The following NDUFAF3 variants were observed in gnomAD, a reference collection of about 807,000 sequenced individuals.
The protein encoded by NDUFAF3 is NADH:ubiquinone oxidoreductase complex assembly factor 3, also known as NADH dehydrogenase [ubiquinone] 1 alpha subcomplex assembly factor 3.
NDUFAF3 carries 21 observed loss-of-function variants against 22.6 expected under a neutral mutation model. That is an observed-to-expected ratio of 0.93 (90% confidence interval 0.66 to 1.34). The LOEUF is 1.34. Ranked by LOEUF, NDUFAF3 falls within the 40% of genes most tolerant of loss-of-function variation. The probability of loss-of-function intolerance (pLI) is 0.00; values close to 1 mark genes in which losing one functional copy is unlikely to be tolerated. For missense variants in NDUFAF3, 251 were observed against 248.4 expected (o/e 1.01, Z -0.07); for synonymous variants, 113 against 104.9 (o/e 1.08, Z -0.47).
rs2093180180 is a variant in NDUFAF3 at position 49,023,273 on chromosome 3, T to G, written c.*101T>G. 1.1e-6 allele frequency: 1 copy of G among 945,230 alleles called. No homozygotes were observed. The highest frequency in any genetic ancestry group is 1.6e-5 in the African/African-American group (1 of 62,086). 58.6% of individuals were successfully genotyped at this position (945,230 alleles called of 1,614,324 possible). On this transcript the variant is annotated 3_prime_UTR_variant, in exon 5 of 5. Coordinates refer to ENST00000326925, the MANE Select transcript of NDUFAF3 (RefSeq NM_199069.2). ...TTATCTTGCTTATCAACATAATAAT[T>G]TATACACTTCTCCCATTTTGTATCA...
rs2093167860 is a variant in NDUFAF3 at position 49,022,334 on chromosome 3, T to G, written c.78-12T>G. The stretch of plus-strand genomic sequence containing the variant: ...GGCCCGGCCCCGCGCCCCTGACCCT[T>G]TCCCTCCGCAGGGCCCCGCGGCGAG... On this transcript the variant is annotated splice_polypyrimidine_tract_variant and intron_variant, in intron 1 of 4. Transcript: ENST00000326925. The surrounding 1 kb of genome is among the most constrained non-coding windows in gnomAD (Gnocchi z 6.6). 3 of 1,610,480 alleles carry G rather than the reference T, an allele frequency of 1.9e-6. No individual in the cohort carries two copies. The highest frequency in any genetic ancestry group is 2.2e-5 in the East Asian group (1 of 44,844).
upstream of NDUFAF3, chr3:49,021,415 C>T (rs577731135): frequency 6.5e-6 from 1 of 152,746 alleles, no homozygotes; most frequent in African/African-American, 2.4e-5. This position sits in a 1 kb window ranked among gnomAD's most constrained non-coding sequence, Gnocchi z 4.1. Flanking sequence ...GCTCCACGCG[C>T]TTCTACTTCA....
chr3:49,021,102 C>A (rs951879232), upstream of NDUFAF3: 1 of 155,470 alleles, frequency 6.4e-6, no homozygotes, highest in Non-Finnish European at 1.4e-5. The surrounding 1 kb of genome is among the most constrained non-coding windows in gnomAD (Gnocchi z 4.1). Context: ...ACGCTGCCAG[C>A]GCCCGGAGCA....
chr3:49,021,895 C>G, upstream of NDUFAF3: 1 of 559,916 alleles, frequency 1.8e-6, no homozygotes, highest in Admixed American at 3.3e-5. This position sits in a 1 kb window ranked among gnomAD's most constrained non-coding sequence, Gnocchi z 4.1. Context: ...GCCAGGTGTT[C>G]CACTCCCCCG....
At chr3:49,021,003 G>A (rs1177327023), upstream of NDUFAF3, 2 of 165,718 alleles carry the variant, frequency 1.2e-5, no homozygotes, top group African/African-American at 4.8e-5. This position sits in a 1 kb window ranked among gnomAD's most constrained non-coding sequence, Gnocchi z 4.1. Context: ...AATCCGTCAG[G>A]AGGGAAGCGC....
chr3:49,023,004 G>A, intron 4 of NDUFAF3, 28 bp downstream of exon 4: 3 of 1,613,896 alleles, frequency 1.9e-6, no homozygotes, highest in African/African-American at 2.7e-5. Flanking sequence ...GGCATGCTGC[G>A]GGGAGCACAG....
Position 49,022,259 on chromosome 3 carries a change from C to T in NDUFAF3, c.77+38C>T. 1 of 1,608,994 alleles carries T rather than the reference C, an allele frequency of 6.2e-7. No individual in the cohort carries two copies. Among genetic ancestry groups the T allele is most frequent in the Non-Finnish European group, 8.5e-7 (1 of 1,179,208 alleles). On this transcript the variant is annotated intron_variant, in intron 1 of 4. Coordinates refer to ENST00000326925, the MANE Select transcript of NDUFAF3 (RefSeq NM_199069.2). This position sits in a 1 kb window ranked among gnomAD's most constrained non-coding sequence, Gnocchi z 6.6. ...CCCGCGCCCTCGACCATCCAGCCCC[C>T]TAGGGCCGGCGACTGCCAGCCCAGC...
chr3:49,022,951 G>T lies in NDUFAF3; in HGVS notation c.413G>T (p.Gly138Val), dbSNP rs2093176773. Residue 138 changes from glycine (G) to valine (V), a missense_variant, in exon 4 of 5, where the codon GGC becomes GTC. Transcript: ENST00000326925. The surrounding 1 kb of genome is among the most constrained non-coding windows in gnomAD (Gnocchi z 6.6). ...GTGCTTCAAGCCATGAGGCAGCGGG[G>T]CATTGCTGTGGAAGTGCAGGACACG... ...SQVLQAMRQRGIAVEVQDTPN... is the reference protein window; with the variant it reads ...SQVLQAMRQRVIAVEVQDTPN... 14 of 1,614,116 alleles carry T rather than the reference G, an allele frequency of 8.7e-6. No individual in the cohort carries two copies. Among genetic ancestry groups the T allele is most frequent in the Non-Finnish European group, 1.2e-5 (14 of 1,180,034 alleles).
rs1055207243 is a variant in NDUFAF3, at chr3:49,022,463, C to T, written c.195C>T (p.Ser65=). The part of the protein sequence containing the change: ...AQAMYIDSYN[S]RGFMINGNRV... ...CAATGTACATCGACAGCTACAACAG[C>T]CGCGGCTTCATGATAAACGGAAACC... Residue 65 remains serine, a synonymous_variant, in exon 2 of 5, where the codon AGC becomes AGT. Coordinates refer to ENST00000326925, the MANE Select transcript of NDUFAF3 (RefSeq NM_199069.2). The surrounding 1 kb of genome is among the most constrained non-coding windows in gnomAD (Gnocchi z 6.6). The T allele has an allele frequency of 6.2e-7, 1 of 1,613,164 alleles. No individual in the cohort carries two copies. The highest frequency in any genetic ancestry group is 8.5e-7 in the Non-Finnish European group (1 of 1,180,012).
At chr3:49,021,610 C>G (rs1366769991), upstream of NDUFAF3, 2 of 159,002 alleles carry the variant, frequency 1.3e-5, no homozygotes, top group Non-Finnish European at 2.8e-5. The surrounding 1 kb of genome is among the most constrained non-coding windows in gnomAD (Gnocchi z 4.1). Context: ...TCTCCGCGCG[C>G]TGCGGAGAGG....
chr3:49,022,441 T>C lies in NDUFAF3; in HGVS notation c.173T>C (p.Met58Thr). ...CTGCAACGCGAGGCCGCTCAGGCAA[T>C]GTACATCGACAGCTACAACAGCCGC... ...SLLQREAAQA[M>T]YIDSYNSRGF... The change falls in exon 2 of 5, where the codon ATG (methionine) becomes ACG (threonine). Residue 58 changes from methionine to threonine, a missense_variant. By Grantham distance (81) the Met-to-Thr change is moderately conservative. Coordinates refer to ENST00000326925, the MANE Select transcript of NDUFAF3 (RefSeq NM_199069.2). The surrounding 1 kb of genome is among the most constrained non-coding windows in gnomAD (Gnocchi z 6.6). 2 of 1,612,996 alleles carry C rather than the reference T, an allele frequency of 1.2e-6. No individual in the cohort carries two copies. Among genetic ancestry groups the C allele is most frequent in the Non-Finnish European group, 1.7e-6 (2 of 1,180,002 alleles).
chr3:49,022,066 G>T (rs1292103750), upstream of NDUFAF3: 15 of 1,470,056 alleles, frequency 1.0e-5, no homozygotes, highest in Admixed American at 2.1e-4. The surrounding 1 kb of genome is among the most constrained non-coding windows in gnomAD (Gnocchi z 6.6). Context: ...CTGCAGCCAC[G>T]CTGGGTCAGG....
Position 49,022,458 on chromosome 3 carries a change from A to G in NDUFAF3, c.190A>G (p.Asn64Asp). Residue 64 changes from asparagine to aspartate, a missense_variant, in exon 2 of 5, where the codon AAC (asparagine) becomes GAC (aspartate). Transcript: ENST00000326925. This position sits in a 1 kb window ranked among gnomAD's most constrained non-coding sequence, Gnocchi z 6.6. ...AAQAMYIDSYNSRGFMINGNR... is the reference protein window; with the variant it reads ...AAQAMYIDSYDSRGFMINGNR... ...TCAGGCAATGTACATCGACAGCTAC[A>G]ACAGCCGCGGCTTCATGATAAACGG... is the stretch of plus-strand genomic sequence containing the variant. 3 of 1,612,976 alleles carry G rather than the reference A, an allele frequency of 1.9e-6. No homozygotes were observed. Among genetic ancestry groups the G allele is most frequent in the Middle Eastern group, 1.7e-4 (1 of 6,060 alleles).
In NDUFAF3 at chr3:49,023,389, T is replaced by G; in HGVS notation, c.*217T>G. 2 of 601,968 alleles carry G rather than the reference T, an allele frequency of 3.3e-6. No individual in the cohort carries two copies. The highest frequency in any genetic ancestry group is 2.6e-5 in the Admixed American group (1 of 37,792). The allele number at this position is 601,968 out of a possible 1,614,324, so 37.3% of individuals were successfully genotyped here. ...GAGTCACTTTTTCATCTAGATTACT[T>G]AGGATTCCTTGACTTTTCAGAAGTC... On this transcript the variant is annotated 3_prime_UTR_variant, in exon 5 of 5. Coordinates refer to ENST00000326925, the MANE Select transcript of NDUFAF3 (RefSeq NM_199069.2).
At chr3:49,022,066 G>A, upstream of NDUFAF3, 7 of 1,470,058 alleles carry the variant, frequency 4.8e-6, no homozygotes, top group East Asian at 4.9e-5. This position sits in a 1 kb window ranked among gnomAD's most constrained non-coding sequence, Gnocchi z 6.6. Context: ...CTGCAGCCAC[G>A]CTGGGTCAGG....
Position 49,022,208 on chromosome 3 carries a change from G to C in NDUFAF3, c.64G>C (p.Val22Leu), listed in dbSNP as rs533619654. 26 of 1,610,952 alleles carry C rather than the reference G, an allele frequency of 1.6e-5. No individual in the cohort carries two copies. In the South Asian group the frequency reaches 2.4e-4, roughly 15 times the overall value. ...RARPSLRCPP[V>L]ELPWAPRRGH... Reference sequence around the variant, plus strand: ...GCGACCCTCGCTGCGCTGTCCGCCCGTTGAGCTTCCCTGGTGAGCTTGGAC... The same window carrying C: ...GCGACCCTCGCTGCGCTGTCCGCCCCTTGAGCTTCCCTGGTGAGCTTGGAC... The change falls in exon 1 of 5, where the codon GTT (valine) becomes CTT (leucine). Residue 22 changes from valine to leucine, a missense_variant. Transcript: ENST00000326925. This position sits in a 1 kb window ranked among gnomAD's most constrained non-coding sequence, Gnocchi z 6.6.
At chr3:49,020,893 C>T (rs1297042844), upstream of NDUFAF3, 3 of 280,716 alleles carry the variant, frequency 1.1e-5, no homozygotes, top group Non-Finnish European at 2.2e-5. Flanking sequence ...CCCCTGGGAC[C>T]GGGTCCCGAT....
chr3:49,023,280 C>T lies in NDUFAF3; in HGVS notation c.*108C>T, dbSNP rs1036517854. ...GCTTATCAACATAATAATTTATACA[C>T]TTCTCCCATTTTGTATCAGGTGTGT... On this transcript the variant is annotated 3_prime_UTR_variant, in exon 5 of 5. Coordinates refer to ENST00000326925, the MANE Select transcript of NDUFAF3 (RefSeq NM_199069.2). 8.7e-6 allele frequency: 8 copies of T among 918,900 alleles called. No homozygotes were observed. The highest frequency in any genetic ancestry group is 2.6e-5 in the South Asian group (2 of 75,832). 56.9% of individuals were successfully genotyped at this position (918,900 alleles called of 1,614,324 possible).
chr3:49,022,751 T>A lies in NDUFAF3; in HGVS notation c.320T>A (p.Leu107Ter), dbSNP rs774031335. 6.2e-7 allele frequency: 1 copy of A among 1,614,016 alleles called. No homozygotes were observed. The highest frequency in any genetic ancestry group is 1.1e-5 in the South Asian group (1 of 91,074). The change falls in exon 3 of 5, where the codon TTG becomes TAG. Residue 107 changes from leucine to a stop codon, truncating the protein, a stop_gained. Coordinates refer to ENST00000326925, the MANE Select transcript of NDUFAF3 (RefSeq NM_199069.2). LOFTEE classifies it high-confidence loss of function. The surrounding 1 kb of genome is among the most constrained non-coding windows in gnomAD (Gnocchi z 6.6). ...ITEDSFSLFW[L>*]LEPRIEIVVV... ...GAAGACAGCTTTTCCCTCTTCTGGT[T>A]GCTGGAGCCCCGGATAGGTACTGGG...
Sources: gnomAD v4.1 joint callset for allele counts on GRCh38, gnomAD v4.1.1 for gene constraint, Gnocchi (gnomAD v3.1) non-coding constraint, MANE v1.5 for transcripts, NCBI Gene and HGNC (gene_info 2026-07-23, HGNC 2026-07-21) for gene names.